Variants in CDK13 observed in about 807,000 individuals in gnomAD.
CDK13 encodes the protein cyclin dependent kinase 13, also known as cyclin-dependent kinase 13.
CDK13 carries 40 observed loss-of-function variants against 137.6 expected under a neutral mutation model. That is an observed-to-expected ratio of 0.29 (90% CI 0.23 to 0.38). The LOEUF (loss-of-function observed/expected upper bound fraction) is 0.38. Ranked by LOEUF, CDK13 falls within the 10% of genes least tolerant of loss-of-function variation. CDK13 has a pLI of 1.00. For synonymous variants in CDK13, 869 were observed against 760.1 expected (o/e 1.14, Z -2.36); for missense variants, 1,704 against 1,951.8 (o/e 0.87, Z 2.39).
At chr7:39,960,949 C>T (rs2116131849) in intron 1 of CDK13, among the ~76,000 whole-genome samples, 1 of 152,246 alleles carries the variant, frequency 6.6e-6, no homozygotes, top group Admixed American at 6.5e-5. Context: ...TGGAGGGCTT[C>T]AATCAAGATA....
intron 1 of CDK13, among the ~76,000 whole-genome samples, chr7:39,961,227 C>T (rs767890013): frequency 7.9e-5 from 12 of 152,072 alleles, no homozygotes; most frequent in Non-Finnish European, 1.6e-4. Flanking sequence ...AGCATGGTGG[C>T]GTGTGCCTGT....
chr7:39,959,923 A>G (rs1040440176), intron 1 of CDK13, among the ~76,000 whole-genome samples: 3 of 118,262 alleles, frequency 2.5e-5, no homozygotes, highest in Non-Finnish European at 3.6e-5. Flanking sequence ...GTAACGTTTT[A>G]TTTTAGGACT....
intron 5 of CDK13, among the ~76,000 whole-genome samples, chr7:40,035,215 G>A (rs933059357): frequency 3.0e-4 from 45 of 152,090 alleles, no homozygotes; most frequent in Non-Finnish European, 4.1e-4. Flanking sequence ...ATACAATATC[G>A]GAAAAATATG....
chr7:40,063,144 A>G lies in CDK13; in HGVS notation c.2780+44A>G, dbSNP rs771018642. On this transcript the variant is annotated intron_variant, in intron 9 of 13. Transcript: ENST00000181839. ...TATTGGTGGGAATTGGGAGAGTGTC[A>G]TACTCCACAGGAAATTTAAACTCTC... The G allele has an allele frequency of 1.4e-5, 19 of 1,402,932 alleles. No homozygotes were observed. The South Asian group carries it at 1.4e-4, about 10-fold the overall frequency. 86.9% of individuals were successfully genotyped at this position (1,402,932 alleles called of 1,614,324 possible).
chr7:40,000,372 TAATAA>T (rs903495122), intron 4 of CDK13, among the ~76,000 whole-genome samples: 48 of 151,174 alleles, frequency 3.2e-4, no homozygotes, highest in African/African-American at 1.1e-3. Flanking sequence ...TCTCAGAAAA[TAATAA>T]AATAAAAACA....
At position 39,951,786 on chromosome 7, in the gene CDK13, T is replaced by G. The variant is rs1030070792; in HGVS notation, c.1145T>G (p.Val382Gly). The G allele has an allele frequency of 6.8e-7, 1 of 1,475,870 alleles. No individual in the cohort carries two copies. Among genetic ancestry groups the G allele is most frequent in the Non-Finnish European group, 8.9e-7 (1 of 1,125,724 alleles). The allele number at this position is 1,475,870 out of a possible 1,614,324, so 91.4% of individuals were successfully genotyped here. ...RHSSYERGGD[V>G]SPSPYSSSSW... ...AGCTCCTACGAGCGGGGCGGCGACG[T>G]GTCCCCTAGTCCCTACAGCAGCAGC... The change falls in exon 1 of 14, where the codon GTG becomes GGG. Residue 382 changes from valine (V) to glycine (G), a missense_variant. Physicochemically the swap from Val to Gly is moderately radical, Grantham distance 109. Around this residue, in one of 5 missense-constraint regions of CDK13, gnomAD observed 1,051 missense variants for 931.0 expected, o/e 1.13. Coordinates refer to ENST00000181839, the MANE Select transcript of CDK13 (RefSeq NM_003718.5).
chr7:40,042,786 T>C (rs1785641461), intron 5 of CDK13, among the ~76,000 whole-genome samples: 1 of 147,498 alleles, frequency 6.8e-6, no homozygotes, highest in Non-Finnish European at 1.5e-5. Context: ...CAGCCCTCCT[T>C]TTTTTTTTTT....
intron 7 of CDK13, among the ~76,000 whole-genome samples, chr7:40,050,216 A>G (rs995200303): frequency 5.3e-5 from 8 of 152,134 alleles, no homozygotes; most frequent in African/African-American, 9.7e-5. Context: ...TTAAAGATCA[A>G]AAAATGTTAG....
intron 12 of CDK13, among the ~76,000 whole-genome samples, chr7:40,090,783 G>GATT (rs1461359949): frequency 1.3e-5 from 2 of 152,220 alleles, no homozygotes; most frequent in Non-Finnish European, 2.9e-5. Context: ...AAGCAGGAAA[G>GATT]ATTGCTTGAG....
chr7:40,005,233 A>G (rs1258452542), intron 5 of CDK13, among the ~76,000 whole-genome samples: 1 of 152,134 alleles, frequency 6.6e-6, no homozygotes, highest in African/African-American at 2.4e-5. Context: ...GCTTTACTTA[A>G]AAATGAGAAA....
chr7:40,043,203 G>A (rs749707132), intron 5 of CDK13, among the ~76,000 whole-genome samples: 1 of 152,138 alleles, frequency 6.6e-6, no homozygotes, highest in Non-Finnish European at 1.5e-5. Flanking sequence ...CCACCTCCTT[G>A]TGGGATTATA....
chr7:39,977,531 G>C (rs1338013092), intron 1 of CDK13, among the ~76,000 whole-genome samples: 1 of 152,140 alleles, frequency 6.6e-6, no homozygotes, highest in Non-Finnish European at 1.5e-5. Flanking sequence ...AATAAGAGAG[G>C]GCTTTATAAA....
In CDK13 at chr7:39,996,974, AAAG is replaced by A. The variant is rs1426959106; in HGVS notation, c.1872-517_1872-515del. ...GAGATTCCATCTCAAAAAAAAAAAA[AAAG>A]AAAAAAAAAAAGAAAAATGCTTTGC... On this transcript the variant is annotated intron_variant, in intron 2 of 13. Coordinates refer to ENST00000181839, the MANE Select transcript of CDK13 (RefSeq NM_003718.5). Among the ~76,000 whole-genome samples, 16 of 141,186 alleles carry A rather than the reference AAAG, an allele frequency of 1.1e-4. 1 individual carries two copies. Among genetic ancestry groups the A allele is most frequent in the African/African-American group, 2.4e-4 (9 of 37,650 alleles). The allele number at this position is 141,186 out of a possible 152,430, so 92.6% of individuals were successfully genotyped here.
chr7:39,955,206 T>G (rs570211299), intron 1 of CDK13, among the ~76,000 whole-genome samples: 3 of 152,314 alleles, frequency 2.0e-5, no homozygotes, highest in Non-Finnish European at 4.4e-5. Context: ...AGTGTTTTAC[T>G]GTGTGCCAGG....
chr7:39,992,550 A>G (rs1784485605), intron 2 of CDK13, among the ~76,000 whole-genome samples: 1 of 151,862 alleles, frequency 6.6e-6, no homozygotes, highest in East Asian at 2.0e-4. Flanking sequence ...TCCCAAGAAT[A>G]AGGTCAGTCT....
At chr7:40,049,594 G>A (rs1785835222) in intron 7 of CDK13, among the ~76,000 whole-genome samples, 1 of 151,804 alleles carries the variant, frequency 6.6e-6, no homozygotes, top group African/African-American at 2.4e-5. Flanking sequence ...TTTTTTGTGT[G>A]TGCCAACACT....
At chr7:40,000,992 A>G (rs888324389) in intron 4 of CDK13, among the ~76,000 whole-genome samples, 1 of 152,130 alleles carries the variant, frequency 6.6e-6, no homozygotes. Context: ...AAGAACATAT[A>G]TTTTTGAGAC....
chr7:39,959,111 C>G (rs922244277), intron 1 of CDK13, among the ~76,000 whole-genome samples: 1 of 147,076 alleles, frequency 6.8e-6, no homozygotes, highest in Non-Finnish European at 1.5e-5. Flanking sequence ...TCGTTTCATT[C>G]ATTTGCATTT....
intron 9 of CDK13, among the ~76,000 whole-genome samples, chr7:40,076,562 A>G: frequency 6.6e-6 from 1 of 152,146 alleles, no homozygotes; most frequent in East Asian, 1.9e-4. Context: ...AGGGTTGAGG[A>G]GGTTGTGAAA....
Sources: gnomAD v4.1 joint callset for allele counts (sites outside exome capture counted in the v4.1 genomes callset) on GRCh38, gnomAD v4.1.1 for gene constraint, gnomAD v4.1.1 regional missense constraint, MANE v1.5 for transcripts, NCBI Gene and HGNC (gene_info 2026-07-23, HGNC 2026-07-21) for gene names.